The following STXBP5L variants were observed in gnomAD, a reference collection of about 807,000 sequenced individuals.
The protein encoded by STXBP5L is syntaxin-binding protein 5-like.
Under a neutral mutation model 144.5 loss-of-function variants are expected in STXBP5L, and 65 were observed. The observed-to-expected ratio is 0.45, with a 90% confidence interval of 0.37 to 0.55. The LOEUF is 0.55. Ranked by LOEUF, STXBP5L falls within the 20% of genes least tolerant of loss-of-function variation. The pLI is 0.00. For synonymous variants in STXBP5L, 505 were observed against 469.6 expected (o/e 1.08, Z -0.97); for missense variants, 1,298 against 1,405.5 (o/e 0.92, Z 1.22).
At chr3:120,955,687 A>G (rs889409528) in intron 3 of STXBP5L, among the ~76,000 whole-genome samples, 11 of 152,054 alleles carry the variant, frequency 7.2e-5, no homozygotes, top group Admixed American at 1.3e-4. Context: ...TTAAAAAACT[A>G]TAGTGTAATA....
At chr3:121,193,494 A>G (rs565957928) in intron 9 of STXBP5L, among the ~76,000 whole-genome samples, 2 of 152,072 alleles carry the variant, frequency 1.3e-5, no homozygotes, top group Admixed American at 6.6e-5. Context: ...AGGATTATAA[A>G]TCATGCTAAT....
chr3:121,077,584 G>T (rs1215755875), intron 5 of STXBP5L, among the ~76,000 whole-genome samples: 1 of 152,144 alleles, frequency 6.6e-6, no homozygotes, highest in African/African-American at 2.4e-5. Context: ...GGGGACCTGA[G>T]CGGGTTGCCA....
chr3:120,952,888 T>C (rs898833334), intron 2 of STXBP5L, among the ~76,000 whole-genome samples: 1 of 151,950 alleles, frequency 6.6e-6, no homozygotes, highest in Non-Finnish European at 1.5e-5. Flanking sequence ...AGCCTCAACC[T>C]CCCAGGCTCA....
chr3:121,378,597 A>G, intron 20 of STXBP5L, 119 bp from the exon 21 acceptor site: 1 of 1,175,146 alleles, frequency 8.5e-7, no homozygotes, highest in Admixed American at 3.0e-5. Context: ...AACTATATTC[A>G]TGTGGTTTAG....
At chr3:121,079,153 G>T (rs1349700475) in intron 5 of STXBP5L, among the ~76,000 whole-genome samples, 11 of 152,248 alleles carry the variant, frequency 7.2e-5, no homozygotes. Flanking sequence ...AGTTTATTAA[G>T]GTGCTCACCG....
chr3:121,085,557 GA>G (rs1456759710), intron 5 of STXBP5L, among the ~76,000 whole-genome samples: 4 of 152,128 alleles, frequency 2.6e-5, no homozygotes, highest in African/African-American at 4.8e-5. Flanking sequence ...GCCAAATCAT[GA>G]ATGAACTCCC....
chr3:121,323,790 C>T (rs915832435), intron 20 of STXBP5L, among the ~76,000 whole-genome samples: 1 of 152,094 alleles, frequency 6.6e-6, no homozygotes, highest in Non-Finnish European at 1.5e-5. Flanking sequence ...ACAGCTTGAC[C>T]TCCCAAGAGG....
chr3:121,343,405 A>G (rs540675944), intron 20 of STXBP5L, among the ~76,000 whole-genome samples: 1 of 152,288 alleles, frequency 6.6e-6, no homozygotes, highest in South Asian at 2.1e-4. Flanking sequence ...CAGGGCAATT[A>G]GGCAGGAGAA....
chr3:121,168,579 G>A (rs1174958317), intron 9 of STXBP5L, among the ~76,000 whole-genome samples: 1 of 152,144 alleles, frequency 6.6e-6, no homozygotes, highest in African/African-American at 2.4e-5. Flanking sequence ...TCAAGTGTAA[G>A]ACAGGATAAC....
chr3:121,314,991 G>A (rs1193568248), intron 19 of STXBP5L, among the ~76,000 whole-genome samples: 1 of 152,114 alleles, frequency 6.6e-6, no homozygotes, highest in Non-Finnish European at 1.5e-5. Context: ...AACAACAGGT[G>A]CTGGAGAGGA....
intron 7 of STXBP5L, among the ~76,000 whole-genome samples, chr3:121,144,410 C>A (rs2045637460): frequency 6.6e-6 from 1 of 151,742 alleles, no homozygotes. Flanking sequence ...TAGAGAAACG[C>A]AAATCAAAAC....
chr3:121,284,161 T>C (rs1363677221), intron 19 of STXBP5L, among the ~76,000 whole-genome samples: 1 of 152,020 alleles, frequency 6.6e-6, no homozygotes, highest in African/African-American at 2.4e-5. Context: ...TATTTTCTTA[T>C]ATTCCTTATA....
intron 20 of STXBP5L, among the ~76,000 whole-genome samples, chr3:121,359,621 G>A (rs548820241): frequency 2.6e-5 from 4 of 152,092 alleles, no homozygotes; most frequent in African/African-American, 7.2e-5. Context: ...TTTGATTTTC[G>A]TATATGGTGA....
chr3:121,134,267 T>C (rs2045138338), intron 7 of STXBP5L, among the ~76,000 whole-genome samples: 1 of 152,118 alleles, frequency 6.6e-6, no homozygotes, highest in Non-Finnish European at 1.5e-5. Flanking sequence ...TTTCTTCTCT[T>C]ATACAGCCAC....
intron 7 of STXBP5L, among the ~76,000 whole-genome samples, chr3:121,137,257 T>C (rs2045303212): frequency 6.6e-6 from 1 of 152,062 alleles, no homozygotes; most frequent in South Asian, 2.1e-4. Context: ...AAAAAAAATG[T>C]TGGTTTTTTA....
chr3:121,116,021 C>G (rs2044217072), intron 6 of STXBP5L, among the ~76,000 whole-genome samples: 1 of 152,142 alleles, frequency 6.6e-6, no homozygotes, highest in Non-Finnish European at 1.5e-5. Flanking sequence ...TAGGCCCCAC[C>G]TTGAACATTT....
chr3:121,004,265 C>A (rs1944060529), intron 3 of STXBP5L, among the ~76,000 whole-genome samples: 1 of 151,624 alleles, frequency 6.6e-6, no homozygotes, highest in Non-Finnish European at 1.5e-5. Context: ...AGGTCCTTCA[C>A]ATCCCTTGTA....
intron 3 of STXBP5L, among the ~76,000 whole-genome samples, chr3:120,991,514 A>G (rs994186539): frequency 2.0e-5 from 3 of 152,244 alleles, no homozygotes; most frequent in African/African-American, 7.2e-5. Flanking sequence ...TCATGCTACT[A>G]TAAAGACACA....
intron 23 of STXBP5L, among the ~76,000 whole-genome samples, chr3:121,410,237 C>T (rs2047084556): frequency 6.6e-6 from 1 of 151,890 alleles, no homozygotes; most frequent in African/African-American, 2.4e-5. Flanking sequence ...CTCTCACACA[C>T]ATACATTGAG....
Sources: allele counts gnomAD v4.1 joint callset (sites outside exome capture counted in the v4.1 genomes callset), GRCh38; gene constraint gnomAD v4.1.1; transcripts MANE v1.5; gene names NCBI Gene and HGNC (gene_info 2026-07-23, HGNC 2026-07-21).